Variants in DDX39B observed in about 807,000 individuals in gnomAD.
The protein encoded by DDX39B is DExD-box helicase 39B, also known as spliceosome RNA helicase DDX39B.
A neutral mutation model predicts 46.4 loss-of-function variants in DDX39B; 6 were observed. The ratio of observed to expected loss-of-function variants is 0.13; its 90% CI spans 0.07 to 0.26. The LOEUF (loss-of-function observed/expected upper bound fraction) is 0.26. Ranked by LOEUF, DDX39B falls within the 10% of genes least tolerant of loss-of-function variation. DDX39B has a pLI of 1.00. For synonymous variants in DDX39B, 174 were observed against 199.4 expected (o/e 0.87, Z 1.07); for missense variants, 185 against 553.4 (o/e 0.33, Z 6.68).
At chr6:31,541,746 C>G (rs1162557620) in intron 1 of DDX39B, 2 of 631,476 alleles carry the variant, frequency 3.2e-6, no homozygotes, top group Admixed American at 4.3e-5. Flanking sequence ...AGGACACCAT[C>G]TTGGATTGGG....
At chr6:31,540,905 G>A in intron 1 of DDX39B, 1 of 400,548 alleles carries the variant, frequency 2.5e-6, no homozygotes, top group South Asian at 2.3e-5. Context: ...CAGAAAAGTT[G>A]GAAGGGGAAG....
chr6:31,532,738 G>C (rs983352769), intron 7 of DDX39B, 42 bp downstream of exon 7: 7 of 1,602,130 alleles, frequency 4.4e-6, no homozygotes, highest in Non-Finnish European at 6.0e-6. Flanking sequence ...GCTACAGCTG[G>C]AGTGCTCCAA....
At chr6:31,538,634 G>A (rs1768052249) in intron 4 of DDX39B, 129 bp downstream of exon 4, 2 of 787,330 alleles carry the variant, frequency 2.5e-6, no homozygotes, top group South Asian at 1.8e-5. Flanking sequence ...TGTTACATAG[G>A]AACTCAACAC....
Position 31,535,507 on chromosome 6 carries a change from T to A in DDX39B, c.617-22A>T. On this transcript the variant is annotated intron_variant, in intron 5 of 10. Transcript: ENST00000396172. This position sits in a 1 kb window ranked among gnomAD's most constrained non-coding sequence, Gnocchi z 4.6. ...ATGTCTACAAGAACAAGGAAAAAAA[T>A]TGTAGGAGAAAATAAGCAGGTATGA... 6.3e-7 allele frequency: 1 copy of A among 1,591,962 alleles called. No individual in the cohort carries two copies.
chr6:31,533,322 T>C, intron 6 of DDX39B: 1 of 195,420 alleles, frequency 5.1e-6, no homozygotes, highest in Non-Finnish European at 1.1e-5. Context: ...TCAGAATAAC[T>C]CCATCAGAGG....
At position 31,530,567 on chromosome 6, in the gene DDX39B, G is replaced by C. The variant is rs891963691; in HGVS notation, c.1271-117C>G. 1.7e-5 allele frequency: 24 copies of C among 1,445,042 alleles called. No individual in the cohort carries two copies. The highest frequency in any genetic ancestry group is 2.3e-5 in the Non-Finnish European group (24 of 1,041,264). The allele number at this position is 1,445,042 out of a possible 1,614,324, so 89.5% of individuals were successfully genotyped here. ...GCCTGGGTTCAGAGGACGGACGTGG[G>C]GGTGAGGGAAGGGATGTAATATGAT... On this transcript the variant is annotated intron_variant, in intron 10 of 10. Coordinates refer to ENST00000396172, the MANE Select transcript of DDX39B (RefSeq NM_004640.7). The surrounding 1 kb of genome is among the most constrained non-coding windows in gnomAD (Gnocchi z 4.5).
At chr6:31,541,578 G>A (rs2523507) in intron 1 of DDX39B, 348,635 of 462,938 alleles carry the variant, frequency 0.75, 132,433 homozygotes, top group East Asian at 0.83. Flanking sequence ...CGAGGGCCGA[G>A]AAAGAGCTCA....
At chr6:31,532,519 C>G (rs1278572856) in intron 7 of DDX39B, 1 of 380,368 alleles carries the variant, frequency 2.6e-6, no homozygotes, top group Admixed American at 4.0e-5. Flanking sequence ...GGATTACACA[C>G]ATAAGCCACC....
intron 2 of DDX39B, 123 bp from the exon 3 acceptor site, chr6:31,539,397 T>C: frequency 7.0e-7 from 1 of 1,419,684 alleles, no homozygotes; most frequent in Non-Finnish European, 9.5e-7. Context: ...ACCTGGTTCT[T>C]GCCAACTTCC....
chr6:31,536,817 AT>A, intron 4 of DDX39B, 134 bp from the exon 5 acceptor site: 1 of 1,131,266 alleles, frequency 8.8e-7, no homozygotes, highest in Non-Finnish European at 1.2e-6. Flanking sequence ...AGGGCACCTA[AT>A]TTAAAAATTT....
At position 31,534,785 on chromosome 6, in the gene DDX39B, G is replaced by T; in HGVS notation, c.735+582C>A. 2.9e-6 allele frequency: 1 copy of T among 339,144 alleles called. No individual in the cohort carries two copies. 21.0% of individuals were successfully genotyped at this position (339,144 alleles called of 1,614,324 possible). On this transcript the variant is annotated intron_variant, in intron 6 of 10. Transcript: ENST00000396172. This position sits in a 1 kb window ranked among gnomAD's most constrained non-coding sequence, Gnocchi z 5.1. ...CCGGCTCACATCAACCGAGGTTCCAGATGGGTGCAAGGAGATGTGGGTGGG... is the reference window on the plus strand; with the variant it reads ...CCGGCTCACATCAACCGAGGTTCCATATGGGTGCAAGGAGATGTGGGTGGG...
At chr6:31,532,971 G>T in intron 6 of DDX39B, 60 bp from the exon 7 acceptor site, 3 of 297,758 alleles carry the variant, frequency 1.0e-5, no homozygotes, top group South Asian at 6.9e-5. Flanking sequence ...GTTAAACCTG[G>T]GGGGGTGGAG....
At position 31,530,589 on chromosome 6, in the gene DDX39B, T is replaced by C. The variant is rs1767048814; in HGVS notation, c.1271-139A>G. On this transcript the variant is annotated intron_variant, in intron 10 of 10. Transcript: ENST00000396172. The surrounding 1 kb of genome is among the most constrained non-coding windows in gnomAD (Gnocchi z 4.5). ...TGGGGGTGAGGGAAGGGATGTAATA[T>C]GATGAGAGAAGACAAGACACCCCAC... The C allele has an allele frequency of 2.3e-6, 3 of 1,281,282 alleles. No individual in the cohort carries two copies. The highest frequency in any genetic ancestry group is 4.6e-5 in the Admixed American group (2 of 43,196). The allele number at this position is 1,281,282 out of a possible 1,614,324, so 79.4% of individuals were successfully genotyped here. A position where few individuals can be genotyped will look rare whatever the true frequency, so the allele number is the denominator to read the frequency against.
Position 31,534,256 on chromosome 6 carries a change from T to C in DDX39B, c.735+1111A>G. 1 of 248,406 alleles carries C rather than the reference T, an allele frequency of 4.0e-6. No homozygotes were observed. Among genetic ancestry groups the C allele is most frequent in the East Asian group, 1.1e-4 (1 of 9,250 alleles). The allele number at this position is 248,406 out of a possible 1,614,324, so 15.4% of individuals were successfully genotyped here. ...CTCAAGCAATCCTCCCACCTTGGCC[T>C]CCCAAAGTGCTGGGATTAGAGGTGA... On this transcript the variant is annotated intron_variant, in intron 6 of 10. Transcript: ENST00000396172. This position sits in a 1 kb window ranked among gnomAD's most constrained non-coding sequence, Gnocchi z 5.1.
Position 31,534,082 on chromosome 6 carries a change from T to G in DDX39B, c.736-1171A>C, listed in dbSNP as rs145496329. On this transcript the variant is annotated intron_variant, in intron 6 of 10. Coordinates refer to ENST00000396172, the MANE Select transcript of DDX39B (RefSeq NM_004640.7). This position sits in a 1 kb window ranked among gnomAD's most constrained non-coding sequence, Gnocchi z 5.1. ...GGAGTACAGTGGCACAATTACAGCT[T>G]ACTGCCACCTCCACGTCCCGGGCTC... 1 of 162,566 alleles carries G rather than the reference T, an allele frequency of 6.2e-6. No individual in the cohort carries two copies. The highest frequency in any genetic ancestry group is 1.4e-5 in the Non-Finnish European group (1 of 73,996). 10.1% of individuals were successfully genotyped at this position (162,566 alleles called of 1,614,324 possible).
Position 31,531,278 on chromosome 6 carries a change from T to G in DDX39B, c.977+18A>C, listed in dbSNP as rs1419220656. On this transcript the variant is annotated intron_variant, in intron 8 of 10. Transcript: ENST00000396172. The surrounding 1 kb of genome is among the most constrained non-coding windows in gnomAD (Gnocchi z 5.8). ...TTTCTCCCAAGGACACAAAATATCT[T>G]TCCCATCTTCAGCTCACCTCTCCTC... 2 of 1,614,164 alleles carry G rather than the reference T, an allele frequency of 1.2e-6. No individual in the cohort carries two copies. Among genetic ancestry groups the G allele is most frequent in the Non-Finnish European group, 1.7e-6 (2 of 1,180,028 alleles).
rs968346579 is a variant in DDX39B at position 31,535,538 on chromosome 6, A to G, written c.617-53T>C. 24 of 1,463,256 alleles carry G rather than the reference A, an allele frequency of 1.6e-5. No homozygotes were observed. Among genetic ancestry groups the G allele is most frequent in the African/African-American group, 4.2e-5 (3 of 71,794 alleles). 90.6% of individuals were successfully genotyped at this position (1,463,256 alleles called of 1,614,324 possible). A position where few individuals can be genotyped will look rare whatever the true frequency, so the allele number is the denominator to read the frequency against. On this transcript the variant is annotated intron_variant, in intron 5 of 10. Coordinates refer to ENST00000396172, the MANE Select transcript of DDX39B (RefSeq NM_004640.7). This position sits in a 1 kb window ranked among gnomAD's most constrained non-coding sequence, Gnocchi z 4.6. ...GAGAAAATAAGCAGGTATGATAAAC[A>G]AAGATTAGAGGTAGACTTCCCAGTG...
intron 4 of DDX39B, 87 bp from the exon 5 acceptor site, chr6:31,536,770 A>G: frequency 6.7e-7 from 1 of 1,482,864 alleles, no homozygotes; most frequent in African/African-American, 1.4e-5. Flanking sequence ...GAGCTAAACC[A>G]ATTTTTAGCA....
At position 31,541,974 on chromosome 6, in the gene DDX39B, G is replaced by C; in HGVS notation, c.-157C>G. The C allele has an allele frequency of 1.5e-6, 1 of 674,958 alleles. No homozygotes were observed. The highest frequency in any genetic ancestry group is 2.7e-6 in the Non-Finnish European group (1 of 364,458). 41.8% of individuals were successfully genotyped at this position (674,958 alleles called of 1,614,324 possible). ...CCTAAACAGGGAGAGCGCGTATGGC[G>C]GCAGCAACAGCGACGAAGGAGGGAA... On this transcript the variant is annotated 5_prime_UTR_variant, in exon 1 of 11. Transcript: ENST00000396172.
Sources: gnomAD v4.1 joint callset for allele counts on GRCh38, gnomAD v4.1.1 for gene constraint, Gnocchi (gnomAD v3.1) non-coding constraint, MANE v1.5 for transcripts, NCBI Gene and HGNC (gene_info 2026-07-23, HGNC 2026-07-21) for gene names.